The following LRRK2 variants were observed in gnomAD, a reference collection of about 807,000 sequenced individuals.
The protein encoded by LRRK2 is leucine rich repeat kinase 2.
LRRK2 carries 203 observed loss-of-function variants against 302.6 expected under a neutral mutation model. The observed-to-expected ratio is 0.67, with a 90% CI of 0.60 to 0.75. The LOEUF (loss-of-function observed/expected upper bound fraction) is 0.75, where lower values mean the gene tolerates loss of function less well. LRRK2 is among the 30% of genes least tolerant of loss of function. LRRK2 has a pLI of 0.00. For missense variants in LRRK2, 2,830 were observed against 2,951.0 expected, an observed-to-expected ratio of 0.96 and a Z score of 0.95; for synonymous variants, 1,066 against 1,031.9, an observed-to-expected ratio of 1.03 and a Z score of -0.63.
At chr12:40,259,627 G>A in intron 13 of LRRK2, 23 bp downstream of exon 13, 1 of 1,612,148 alleles carries the variant, frequency 6.2e-7, no homozygotes, top group Non-Finnish European at 8.5e-7. Flanking sequence ...GTTGATTGTG[G>A]GAAGAGATAA....
chr12:40,307,111 G>C (rs1944852479), intron 28 of LRRK2, among the ~76,000 whole-genome samples: 1 of 151,584 alleles, frequency 6.6e-6, no homozygotes, highest in African/African-American at 2.4e-5. Context: ...TTTCAGAAAA[G>C]ACAGAAAGAC....
chr12:40,282,007 CCGCTTCCCTTCCCTTCCCTT>C (rs1167308694), intron 18 of LRRK2, among the ~76,000 whole-genome samples: 10 of 142,774 alleles, frequency 7.0e-5, no homozygotes, highest in African/African-American at 2.2e-4. Flanking sequence ...CCCTCCCTCC[CCGCTTCCCTTCCCTTCCCTT>C]CCCTTCCCTT....
chr12:40,271,347 T>A (rs978158184), intron 14 of LRRK2, among the ~76,000 whole-genome samples: 3 of 152,188 alleles, frequency 2.0e-5, no homozygotes. Context: ...TCTGTTTTCC[T>A]TTCTTTGGCT....
In LRRK2 at chr12:40,299,219, C is replaced by G; in HGVS notation, c.3458C>G (p.Pro1153Arg). ...TCAGAGAACTTTCTTGAGGCTTGTC[C>G]TAAAGTGGAGAGTTTCAGTGCCAGA... ...SLSENFLEAC[P>R]KVESFSARMN... Residue 1153 changes from proline to arginine, a missense_variant, in exon 25 of 51, where the codon CCT becomes CGT. Physicochemically the swap from Pro to Arg is moderately radical, Grantham distance 103. Coordinates refer to ENST00000298910, the MANE Select transcript of LRRK2 (RefSeq NM_198578.4). 2.5e-6 allele frequency: 4 copies of G among 1,613,442 alleles called. No individual in the cohort carries two copies. The highest frequency in any genetic ancestry group is 3.4e-6 in the Non-Finnish European group (4 of 1,179,758).
At chr12:40,250,453 G>A (rs1942206939) in intron 8 of LRRK2, among the ~76,000 whole-genome samples, 1 of 152,168 alleles carries the variant, frequency 6.6e-6, no homozygotes, top group Non-Finnish European at 1.5e-5. Flanking sequence ...TTGTGCCACT[G>A]CACTCCAGCC....
At chr12:40,303,825 T>G in intron 26 of LRRK2, 123 bp from the exon 27 acceptor site, 1 of 900,424 alleles carries the variant, frequency 1.1e-6, no homozygotes, top group Non-Finnish European at 1.8e-6. Flanking sequence ...CATACTCATA[T>G]GTCAATAATG....
In LRRK2 at chr12:40,295,536, T is replaced by C. The variant is rs776153993; in HGVS notation, c.2988T>C (p.Asp996=). 1 of 1,614,032 alleles carries C rather than the reference T, an allele frequency of 6.2e-7. No individual in the cohort carries two copies. Among genetic ancestry groups the C allele is most frequent in the Non-Finnish European group, 8.5e-7 (1 of 1,179,980 alleles). Residue 996 remains aspartate, a synonymous_variant, in exon 23 of 51, where the codon GAT becomes GAC. Transcript: ENST00000298910. Reference sequence around the variant, plus strand: ...ACCTTTCAGCAAATGAACTAAGAGATATTGATGCCCTAAGCCAGAAATGCT... The same window carrying C: ...ACCTTTCAGCAAATGAACTAAGAGACATTGATGCCCTAAGCCAGAAATGCT... The part of the protein sequence containing the change: ...SLDLSANELR[D]IDALSQKCCI...
intron 4 of LRRK2, 48 bp downstream of exon 4, chr12:40,235,762 T>C: frequency 9.1e-7 from 1 of 1,095,254 alleles, no homozygotes; most frequent in Non-Finnish European, 1.4e-6. Flanking sequence ...AAAAAAAAAG[T>C]TGATACCATT....
chr12:40,230,826 A>C (rs1274669346), intron 2 of LRRK2, among the ~76,000 whole-genome samples: 1 of 151,768 alleles, frequency 6.6e-6, no homozygotes, highest in Non-Finnish European at 1.5e-5. Flanking sequence ...TTTTTTTCAG[A>C]GGTAAAGAGC....
intron 20 of LRRK2, among the ~76,000 whole-genome samples, chr12:40,288,566 CA>C (rs1251822078): frequency 6.6e-6 from 1 of 151,866 alleles, no homozygotes; most frequent in African/African-American, 2.4e-5. Flanking sequence ...CCCCCACCAG[CA>C]GTACATGAGC....
intron 47 of LRRK2, among the ~76,000 whole-genome samples, chr12:40,362,171 C>A (rs1010271233): frequency 6.6e-6 from 1 of 151,910 alleles, no homozygotes; most frequent in Non-Finnish European, 1.5e-5. Context: ...GAACTATTTT[C>A]TATTAAATAC....
rs1227324142 is a variant in LRRK2 at position 40,291,664 on chromosome 12, G to A, written c.2690-1881G>A. Among the ~76,000 whole-genome samples, 6 of 151,758 alleles carry A rather than the reference G, an allele frequency of 4.0e-5. No homozygotes were observed. In the South Asian group the frequency reaches 1.0e-3, roughly 26 times the overall value. Reference sequence around the variant, plus strand: ...ATCATATGGTCTGTCTTGGTGATGTGCCATGTGCAACTGAAAAGAAAGTAT... The same window carrying A: ...ATCATATGGTCTGTCTTGGTGATGTACCATGTGCAACTGAAAAGAAAGTAT... On this transcript the variant is annotated intron_variant, in intron 20 of 50. Coordinates refer to ENST00000298910, the MANE Select transcript of LRRK2 (RefSeq NM_198578.4).
At chr12:40,259,665 T>C in intron 13 of LRRK2, 61 bp downstream of exon 13, 1 of 1,593,046 alleles carries the variant, frequency 6.3e-7, no homozygotes, top group Non-Finnish European at 8.6e-7. Context: ...TGATTTTTCA[T>C]GAAATAGCAA....
intron 40 of LRRK2, among the ~76,000 whole-genome samples, chr12:40,340,018 C>T (rs763344313): frequency 2.6e-5 from 4 of 152,146 alleles, no homozygotes; most frequent in Non-Finnish European, 4.4e-5. Context: ...AAAGAAAAGT[C>T]TCCAAAAATT....
chr12:40,294,900 C>T lies in LRRK2; in HGVS notation c.2864C>T (p.Ser955Leu), dbSNP rs189460764. The T allele has an allele frequency of 1.0e-5, 16 of 1,538,704 alleles. No individual in the cohort carries two copies. In the East Asian group the frequency reaches 3.6e-4, roughly 35 times the overall value. Residue 955 changes from serine (S) to leucine (L), a missense_variant, in exon 22 of 51, where the codon TCA becomes TTA. This residue lies in a region of LRRK2 where 2,121 missense variants were observed against 2,148.0 expected (regional missense o/e 0.99). Coordinates refer to ENST00000298910, the MANE Select transcript of LRRK2 (RefSeq NM_198578.4). ...AAGCGAAAAAGAAAAATATTATCTT[C>T]AGATGATTCACTCAGTAAGTATTTG... is the stretch of plus-strand genomic sequence containing the variant. Reference protein sequence around the residue: ...LLKRKRKILSSDDSLRSSKLQ... With the variant: ...LLKRKRKILSLDDSLRSSKLQ...
intron 21 of LRRK2, 91 bp downstream of exon 21, chr12:40,293,754 G>T: frequency 1.2e-6 from 1 of 849,692 alleles, no homozygotes; most frequent in South Asian, 1.3e-5. Flanking sequence ...AGGAACAATT[G>T]GTAGGGATTT....
chr12:40,299,241 C>T lies in LRRK2; in HGVS notation c.3480C>T (p.Ala1160=), dbSNP rs768016253. Residue 1160 remains alanine (A), a synonymous_variant, in exon 25 of 51, where the codon GCC becomes GCT. Transcript: ENST00000298910. The stretch of plus-strand genomic sequence containing the variant: ...GTCCTAAAGTGGAGAGTTTCAGTGC[C>T]AGAATGAATTTTCTTGGTAAGTGTT... ...EACPKVESFS[A]RMNFLAAMPF... The T allele has an allele frequency of 1.9e-6, 3 of 1,613,292 alleles. No homozygotes were observed. The highest frequency in any genetic ancestry group is 1.7e-5 in the Admixed American group (1 of 59,958).
At chr12:40,355,858 T>C (rs941696031) in intron 45 of LRRK2, among the ~76,000 whole-genome samples, 6 of 152,140 alleles carry the variant, frequency 3.9e-5, no homozygotes, top group Admixed American at 1.3e-4. Flanking sequence ...TCTTGATAAT[T>C]ACATTTCAAA....
rs746235238 is a variant in LRRK2 at position 40,321,067 on chromosome 12, C to G, written c.5049C>G (p.Pro1683=). 3 of 1,612,858 alleles carry G rather than the reference C, an allele frequency of 1.9e-6. No individual in the cohort carries two copies. Among genetic ancestry groups the G allele is most frequent in the Non-Finnish European group, 1.7e-6 (2 of 1,179,048 alleles). ...LSDHRPVIEL[P]HCENSEIIIR... Reference sequence around the variant, plus strand: ...ACCACAGGCCTGTGATAGAGCTTCCCCATTGTGAGAACTCTGAAATTATCA... The same window carrying G: ...ACCACAGGCCTGTGATAGAGCTTCCGCATTGTGAGAACTCTGAAATTATCA... The change falls in exon 35 of 51, where the codon CCC becomes CCG. Residue 1683 remains proline (P), a synonymous_variant. Coordinates refer to ENST00000298910, the MANE Select transcript of LRRK2 (RefSeq NM_198578.4).
Sources: gnomAD v4.1 joint callset for allele counts (sites outside exome capture counted in the v4.1 genomes callset) on GRCh38, gnomAD v4.1.1 for gene constraint, gnomAD v4.1.1 regional missense constraint, MANE v1.5 for transcripts, NCBI Gene and HGNC (gene_info 2026-07-23, HGNC 2026-07-21) for gene names.